Variants in SCAMP2 observed in about 807,000 individuals in gnomAD.
SCAMP2 encodes the protein secretory carrier membrane protein 2.
A neutral mutation model predicts 44.1 loss-of-function variants in SCAMP2; 25 were observed. The ratio of observed to expected loss-of-function variants is 0.57; its 90% CI spans 0.41 to 0.79. SCAMP2 has a LOEUF of 0.79. SCAMP2 is among the 30% of genes least tolerant of loss of function. SCAMP2 has a pLI of 0.00. For synonymous variants in SCAMP2, 156 were observed against 166.0 expected, an observed-to-expected ratio of 0.94 and a Z score of 0.46; for missense variants, 355 against 411.0, an observed-to-expected ratio of 0.86 and a Z score of 1.18.
chr15:74,853,637 AG>A (rs896971321), intron 3 of SCAMP2: 70 of 365,256 alleles, frequency 1.9e-4, no homozygotes, highest in African/African-American at 1.3e-3. Flanking sequence ...AAAGGAAGAC[AG>A]GAAGGAAGGT....
At chr15:74,853,904 GC>G (rs1368735195) in intron 3 of SCAMP2, 116 bp downstream of exon 3, 5 of 867,354 alleles carry the variant, frequency 5.8e-6, no homozygotes, top group Non-Finnish European at 9.3e-6. Flanking sequence ...TAGCAAGAGG[GC>G]CCTTAGGGGG....
intron 1 of SCAMP2, among the ~76,000 whole-genome samples, chr15:74,862,379 C>T (rs2141179219): frequency 6.6e-6 from 1 of 151,490 alleles, no homozygotes; most frequent in South Asian, 2.1e-4. Flanking sequence ...GAGTTCAAGA[C>T]CACCCTGGCC....
chr15:74,853,976 T>G (rs754421898), intron 3 of SCAMP2, 45 bp downstream of exon 3: 1 of 1,517,720 alleles, frequency 6.6e-7, no homozygotes, highest in Non-Finnish European at 9.1e-7. Flanking sequence ...GTCTGGATGA[T>G]TCCCTCACTG....
chr15:74,862,759 T>A (rs1239904877), intron 1 of SCAMP2, among the ~76,000 whole-genome samples: 1 of 141,270 alleles, frequency 7.1e-6, no homozygotes, highest in African/African-American at 2.7e-5. Context: ...GAGGTAAAGG[T>A]TGCAGTGAGC....
rs1596412692 is a variant in SCAMP2, at chr15:74,845,597, T to G, written c.735-4A>C. 3 of 1,613,584 alleles carry G rather than the reference T, an allele frequency of 1.9e-6. No individual in the cohort carries two copies. Among genetic ancestry groups the G allele is most frequent in the African/African-American group, 2.7e-5 (2 of 74,890 alleles). On this transcript the variant is annotated splice_polypyrimidine_tract_variant and splice_region_variant and intron_variant, in intron 7 of 8. Transcript: ENST00000268099. ...AGACAGGGCTGCAATCCAACCGCTA[T>G]AAAGGGAAGAAGAGGCCAGAGGGAG...
intron 1 of SCAMP2, among the ~76,000 whole-genome samples, chr15:74,861,430 CATGTAAAAATCTGTACCTGCA>C (rs1478506217): frequency 1.3e-5 from 2 of 152,136 alleles, no homozygotes; most frequent in Non-Finnish European, 2.9e-5. Context: ...ATCACAAAAA[CATGTAAAAATCTGTACCTGCA>C]ATGATATTCA....
At chr15:74,852,386 C>G (rs1024866648) in intron 3 of SCAMP2, 200 bp from the exon 4 acceptor site, 43 of 402,620 alleles carry the variant, frequency 1.1e-4, no homozygotes, top group African/African-American at 8.2e-4. Flanking sequence ...TGCCCCCACA[C>G]CTTCCTGACC....
chr15:74,853,941 C>T, intron 3 of SCAMP2, 80 bp downstream of exon 3: 3 of 1,292,262 alleles, frequency 2.3e-6, no homozygotes, highest in Non-Finnish European at 3.4e-6. Context: ...CTCTGCTTGC[C>T]CCCAGCCTCA....
intron 1 of SCAMP2, among the ~76,000 whole-genome samples, chr15:74,859,182 C>A (rs1375931263): frequency 6.6e-6 from 1 of 152,090 alleles, no homozygotes; most frequent in African/African-American, 2.4e-5. Flanking sequence ...ACCTAAAACT[C>A]CCCTGCAGTG....
At chr15:74,866,817 G>A (rs1318421857) in intron 1 of SCAMP2, among the ~76,000 whole-genome samples, 1 of 137,902 alleles carries the variant, frequency 7.3e-6, no homozygotes, top group African/African-American at 2.7e-5. Flanking sequence ...TTTTTTTTGA[G>A]ATGGAGTCTC....
At chr15:74,873,121 G>A in intron 1 of SCAMP2, 78 bp downstream of exon 1, 2 of 1,260,474 alleles carry the variant, frequency 1.6e-6, no homozygotes, top group Non-Finnish European at 2.1e-6. Context: ...CACGTCTCCC[G>A]GCTCTAGCGA....
chr15:74,870,148 G>A (rs1430366385), intron 1 of SCAMP2, among the ~76,000 whole-genome samples: 1 of 152,192 alleles, frequency 6.6e-6, no homozygotes, highest in African/African-American at 2.4e-5. Context: ...GATGTGGCTG[G>A]TTGACAGGAC....
intron 1 of SCAMP2, among the ~76,000 whole-genome samples, chr15:74,865,170 C>T (rs1281071014): frequency 6.7e-6 from 1 of 149,178 alleles, no homozygotes; most frequent in Admixed American, 6.8e-5. Context: ...CACCTGAGGT[C>T]AGGAGTTTGA....
intron 1 of SCAMP2, among the ~76,000 whole-genome samples, 194 bp from the exon 2 acceptor site, chr15:74,854,843 G>A (rs888764457): frequency 2.0e-5 from 3 of 152,122 alleles, no homozygotes; most frequent in Non-Finnish European, 1.5e-5. Context: ...CCCCCTTCCT[G>A]GAAAAGGTTC....
Sources: gnomAD v4.1 joint callset for allele counts (sites outside exome capture counted in the v4.1 genomes callset) on GRCh38, gnomAD v4.1.1 for gene constraint, MANE v1.5 for transcripts, NCBI Gene and HGNC (gene_info 2026-07-23, HGNC 2026-07-21) for gene names.